The following ATP2C1 variants were observed in gnomAD, a reference collection of about 807,000 sequenced individuals.
The protein encoded by ATP2C1 is calcium-transporting ATPase type 2C member 1.
In ATP2C1, 31 loss-of-function variants were observed where a neutral mutation model predicts 120.5. That is an observed-to-expected ratio of 0.26 (90% CI 0.19 to 0.35). The LOEUF is 0.35. Among genes scored for constraint, ATP2C1 ranks in the 10% least tolerant of loss-of-function variants. ATP2C1 has a pLI of 1.00. For missense variants in ATP2C1, 731 were observed against 1,107.5 expected (o/e 0.66, Z 4.83); for synonymous variants, 351 against 358.7 (o/e 0.98, Z 0.24).
rs1416596054 is a variant in ATP2C1 at position 130,917,390 on chromosome 3, A to G, written c.7-13026A>G. Among the ~76,000 whole-genome samples the G allele has an allele frequency of 3.3e-5, 5 of 152,350 alleles. No individual in the cohort carries two copies. The South Asian group carries it at 1.0e-3, about 32-fold the overall frequency. On this transcript the variant is annotated intron_variant, in intron 2 of 27. Transcript: ENST00000510168. ...ATTTCTTTTTTTTAAAAGCAGATTAATAATATGTGAACGCCTTTGGATTTG... is the reference window on the plus strand; with the variant it reads ...ATTTCTTTTTTTTAAAAGCAGATTAGTAATATGTGAACGCCTTTGGATTTG...
intron 19 of ATP2C1, among the ~76,000 whole-genome samples, chr3:130,979,933 A>G (rs553351277): frequency 6.6e-6 from 1 of 152,346 alleles, no homozygotes; most frequent in South Asian, 2.1e-4. Context: ...CTAAACTGTA[A>G]TTCATACTGA....
At chr3:130,969,095 C>T (rs2061181308) in intron 16 of ATP2C1, among the ~76,000 whole-genome samples, 197 bp from the exon 17 acceptor site, 2 of 152,180 alleles carry the variant, frequency 1.3e-5, no homozygotes, top group African/African-American at 2.4e-5. Flanking sequence ...ACTATATCTA[C>T]ATACCTGGGC....
intron 1 of ATP2C1, among the ~76,000 whole-genome samples, chr3:130,886,136 T>G (rs2068967189): frequency 6.6e-6 from 1 of 152,204 alleles, no homozygotes; most frequent in African/African-American, 2.4e-5. Context: ...ATTTTTTTCC[T>G]TTAGCACTTT....
chr3:130,888,735 C>G (rs543544752), intron 1 of ATP2C1, among the ~76,000 whole-genome samples: 1 of 152,174 alleles, frequency 6.6e-6, no homozygotes, highest in Admixed American at 6.5e-5. Flanking sequence ...TGATTCAAGA[C>G]TGTCTCTCCT....
intron 1 of ATP2C1, among the ~76,000 whole-genome samples, chr3:130,864,509 C>T (rs553544875): frequency 2.2e-4 from 34 of 152,310 alleles, no homozygotes; most frequent in Non-Finnish European, 4.7e-4. Context: ...AATGATAATC[C>T]CCAAGACCAT....
intron 2 of ATP2C1, among the ~76,000 whole-genome samples, chr3:130,920,077 A>G (rs1446150342): frequency 6.6e-6 from 1 of 152,054 alleles, no homozygotes; most frequent in African/African-American, 2.4e-5. Flanking sequence ...AGTTCTTTAT[A>G]TATTTGGAGA....
intron 17 of ATP2C1, 58 bp downstream of exon 17, chr3:130,969,454 A>G (rs990735211): frequency 5.2e-6 from 7 of 1,344,392 alleles, no homozygotes; most frequent in Non-Finnish European, 6.4e-6. Context: ...CTATTTTTTC[A>G]TTTACTGTCC....
chr3:130,989,603 T>G lies in ATP2C1; in HGVS notation c.1840-3348T>G, dbSNP rs544988440. ...AAAAAACACAAACCCTAAAGAACAT[T>G]GTAGTTGGGACTCATGAGCCGCTTG... On this transcript the variant is annotated intron_variant, in intron 20 of 27. Coordinates refer to ENST00000510168, the MANE Select transcript of ATP2C1 (RefSeq NM_001378687.1). Among the ~76,000 whole-genome samples, 986 of 152,010 alleles carry G rather than the reference T, an allele frequency of 6.5e-3. 7 individuals carry two copies. Among genetic ancestry groups the G allele is most frequent in the Non-Finnish European group, 1.0e-2 (677 of 67,950 alleles).
chr3:130,965,119 G>T, intron 14 of ATP2C1, 74 bp downstream of exon 14: 1 of 1,005,500 alleles, frequency 9.9e-7, no homozygotes, highest in Non-Finnish European at 1.6e-6. Flanking sequence ...ATTCCTAACA[G>T]TTCCAGTGTC....
At chr3:130,993,779 C>T (rs1051223500) in intron 21 of ATP2C1, among the ~76,000 whole-genome samples, 153 bp from the exon 22 acceptor site, 4 of 152,112 alleles carry the variant, frequency 2.6e-5, no homozygotes, top group African/African-American at 7.2e-5. Context: ...ACTGAGATCT[C>T]CATTTGTTGA....
chr3:130,886,183 C>T (rs2068967920), intron 1 of ATP2C1, among the ~76,000 whole-genome samples: 1 of 152,110 alleles, frequency 6.6e-6, no homozygotes, highest in African/African-American at 2.4e-5. Flanking sequence ...TGTAAGATTG[C>T]CACTGAAAAG....
intron 20 of ATP2C1, among the ~76,000 whole-genome samples, chr3:130,985,865 G>A (rs755021536): frequency 2.4e-4 from 36 of 148,728 alleles, no homozygotes; most frequent in East Asian, 6.3e-4. Flanking sequence ...GGCTGTCAGC[G>A]TATGTTCATA....
Position 131,001,497 on chromosome 3 carries a change from T to C in ATP2C1, c.*147T>C. 7.5e-7 allele frequency: 1 copy of C among 1,341,792 alleles called. No individual in the cohort carries two copies. The highest frequency in any genetic ancestry group is 1.8e-5 in the South Asian group (1 of 55,066). 83.1% of individuals were successfully genotyped at this position (1,341,792 alleles called of 1,614,324 possible). ...CATTAATGTTAAAGACTTAAGACTT[T>C]AACCTGCTGGCAGTCCCAAATGAAA... On this transcript the variant is annotated 3_prime_UTR_variant, in exon 28 of 28. Coordinates refer to ENST00000510168, the MANE Select transcript of ATP2C1 (RefSeq NM_001378687.1).
chr3:130,975,464 C>G lies in ATP2C1; in HGVS notation c.1546C>G (p.Arg516Gly). ...QRDVYQQEKA[R>G]MGSAGLRVLA... Reference sequence around the variant, plus strand: ...AGATGTGTACCAACAAGAGAAGGCACGCATGGGCTCAGCGGGACTCAGAGG... The same window carrying G: ...AGATGTGTACCAACAAGAGAAGGCAGGCATGGGCTCAGCGGGACTCAGAGG... The change falls in exon 18 of 28, where the codon CGC becomes GGC. Residue 516 changes from arginine to glycine, a missense_variant. By Grantham distance (125) the Arg-to-Gly change is moderately radical (BLOSUM62 -2). This residue lies in a region of ATP2C1 where 571 missense variants were observed against 845.9 expected (regional missense o/e 0.67). Coordinates refer to ENST00000510168, the MANE Select transcript of ATP2C1 (RefSeq NM_001378687.1). 6.2e-7 allele frequency: 1 copy of G among 1,613,784 alleles called. No homozygotes were observed.
At position 131,015,932 on chromosome 3, in the gene ATP2C1, A is replaced by C. The variant is rs935423740; in HGVS notation, c.2630-220A>C. The C allele has an allele frequency of 8.4e-6, 6 of 713,544 alleles. No homozygotes were observed. In the East Asian group the frequency reaches 1.7e-4, roughly 21 times the overall value. The allele number at this position is 713,544 out of a possible 1,614,324, so 44.2% of individuals were successfully genotyped here. ...TTTTTAAAATTGGATTGAATCATGG[A>C]AACATTCTTTGAGAATATGGAAATA... On this transcript the variant is annotated intron_variant, in intron 26 of 26. Coordinates refer to the ATP2C1 transcript ENST00000328560.
chr3:130,921,088 T>G (rs950412473), intron 2 of ATP2C1, among the ~76,000 whole-genome samples: 1 of 149,384 alleles, frequency 6.7e-6, no homozygotes. Flanking sequence ...TCTTTTTTTT[T>G]TTTTTTTTTT....
downstream of ATP2C1, among the ~76,000 whole-genome samples, chr3:131,007,701 AC>A: frequency 6.6e-6 from 1 of 152,364 alleles, no homozygotes; most frequent in South Asian, 2.1e-4. Flanking sequence ...TGATAAGTAT[AC>A]CAAAGTGCCC....
In ATP2C1 at chr3:130,887,685, T is replaced by A. The variant is rs1469833318; in HGVS notation, c.108+36757T>A. Among the ~76,000 whole-genome samples, 6 of 151,942 alleles carry A rather than the reference T, an allele frequency of 3.9e-5. No homozygotes were observed. The East Asian group carries it at 1.2e-3, about 30-fold the overall frequency. ...AAGTTCAAAGGATCTTCAGTCAGCT[T>A]GTGGTGAATGCTGCCAGGCTTGGAC... On this transcript the variant is annotated intron_variant, in intron 1 of 26. Transcript: ENST00000504381.
chr3:131,001,973 A>G lies in ATP2C1; in HGVS notation c.*623A>G. 1 of 983,350 alleles carries G rather than the reference A, an allele frequency of 1.0e-6. No individual in the cohort carries two copies. The highest frequency in any genetic ancestry group is 1.2e-6 in the Non-Finnish European group (1 of 827,712). 60.9% of individuals were successfully genotyped at this position (983,350 alleles called of 1,614,324 possible). A position where few individuals can be genotyped will look rare whatever the true frequency, so the allele number is the denominator to read the frequency against. ...TTGAAAAGCCTATACTACAATTTGAAGTAAATTTTTGTTTTTCTTAGTAAG... is the reference window on the plus strand; with the variant it reads ...TTGAAAAGCCTATACTACAATTTGAGGTAAATTTTTGTTTTTCTTAGTAAG... On this transcript the variant is annotated 3_prime_UTR_variant, in exon 28 of 28. Coordinates refer to ENST00000510168, the MANE Select transcript of ATP2C1 (RefSeq NM_001378687.1).
Sources: allele counts gnomAD v4.1 joint callset (sites outside exome capture counted in the v4.1 genomes callset), GRCh38; gene constraint gnomAD v4.1.1; regional missense constraint gnomAD v4.1.1; transcripts MANE v1.5; gene names NCBI Gene and HGNC (gene_info 2026-07-23, HGNC 2026-07-21).